The following CXCR4 variants were observed in gnomAD, a reference collection of about 807,000 sequenced individuals.
CXCR4 encodes C-X-C chemokine receptor type 4.
In CXCR4, 6 loss-of-function variants were observed where a neutral mutation model predicts 22.4. The observed-to-expected ratio is 0.27, with a 90% CI of 0.15 to 0.53. The LOEUF (loss-of-function observed/expected upper bound fraction) is 0.53, where lower values mean the gene tolerates loss of function less well. Among genes scored for constraint, CXCR4 ranks in the 20% least tolerant of loss-of-function variants. CXCR4 has a pLI of 0.96. For missense variants in CXCR4, 300 were observed against 430.4 expected (o/e 0.70, Z 2.68); for synonymous variants, 155 against 171.7 (o/e 0.90, Z 0.76).
At position 136,115,829 on chromosome 2, in the gene CXCR4, A is replaced by G. The variant is rs184978014; in HGVS notation, c.99T>C (p.Asn33=). ...GCAGGAAGATTTTATTGAAATTAGC[A>G]TTTTCTTCACGGAAACAGGGTTCCT... ...SMKEPCFREE[N]ANFNKIFLPT... The change falls in exon 2 of 2, where the codon AAT becomes AAC. Residue 33 remains asparagine, a synonymous_variant. Coordinates refer to ENST00000241393, the MANE Select transcript of CXCR4 (RefSeq NM_003467.3). This position sits in a 1 kb window ranked among gnomAD's most constrained non-coding sequence, Gnocchi z 6.4. The G allele has an allele frequency of 6.2e-7, 1 of 1,613,994 alleles. No homozygotes were observed. The highest frequency in any genetic ancestry group is 8.5e-7 in the Non-Finnish European group (1 of 1,180,004).
At chr2:136,117,806 C>G (rs1684957803) in intron 1 of CXCR4, 1 of 521,956 alleles carries the variant, frequency 1.9e-6, no homozygotes, top group Admixed American at 3.6e-5. Flanking sequence ...ACACATGCAG[C>G]CACTGGAACG....
intron 1 of CXCR4, chr2:136,117,707 C>G (rs1257091965): frequency 4.2e-6 from 1 of 239,264 alleles, no homozygotes; most frequent in African/African-American, 2.3e-5. Flanking sequence ...CGAGGCAGCG[C>G]GCACGCCTTC....
At position 136,116,664 on chromosome 2, in the gene CXCR4, G is replaced by A. The variant is rs1032978203; in HGVS notation, c.16-752C>T. Among the ~76,000 whole-genome samples the A allele has an allele frequency of 1.1e-4, 17 of 152,296 alleles. No homozygotes were observed. Among genetic ancestry groups the A allele is most frequent in the Admixed American group, 7.8e-4 (12 of 15,302 alleles). ...TCGTGTTTATCACTTGGCGCGTTTG[G>A]GACGTTAGGGAGCGGGGCATTTTCC... On this transcript the variant is annotated intron_variant, in intron 1 of 1. Transcript: ENST00000241393.
chr2:136,116,069 G>A (rs1684881372), intron 1 of CXCR4, 157 bp from the exon 2 acceptor site: 1 of 1,537,546 alleles, frequency 6.5e-7, no homozygotes, highest in Non-Finnish European at 8.8e-7. Context: ...AATTAATGTA[G>A]AATCCTACAA....
rs371317659 is a variant in CXCR4 at position 136,115,422 on chromosome 2, A to G, written c.506T>C (p.Ile169Thr). Reference sequence around the variant, plus strand: ...GACGTTGGCAAAGATGAAGTCGGGAATAGTCAGCAGGAGGGCAGGGATCCA... The same window carrying G: ...GACGTTGGCAAAGATGAAGTCGGGAGTAGTCAGCAGGAGGGCAGGGATCCA... ...GVWIPALLLT[I>T]PDFIFANVSE... Residue 169 changes from isoleucine to threonine, a missense_variant, in exon 2 of 2, where the codon ATT (isoleucine) becomes ACT (threonine). Physicochemically the swap from Ile to Thr is moderately conservative, Grantham distance 89 (BLOSUM62 -1). Coordinates refer to ENST00000241393, the MANE Select transcript of CXCR4 (RefSeq NM_003467.3). The surrounding 1 kb of genome is among the most constrained non-coding windows in gnomAD (Gnocchi z 6.4). 57 of 1,614,080 alleles carry G rather than the reference A, an allele frequency of 3.5e-5. No homozygotes were observed. Among genetic ancestry groups the G allele is most frequent in the Non-Finnish European group, 4.6e-5 (54 of 1,180,032 alleles).
At chr2:136,116,201 T>C in intron 1 of CXCR4, 1 of 1,332,228 alleles carries the variant, frequency 7.5e-7, no homozygotes, top group Non-Finnish European at 9.7e-7. Context: ...AGTCACATCT[T>C]GGCTAACTCC....
At chr2:136,116,061 T>C in intron 1 of CXCR4, 149 bp from the exon 2 acceptor site, 1 of 1,545,876 alleles carries the variant, frequency 6.5e-7, no homozygotes, top group Non-Finnish European at 8.7e-7. Flanking sequence ...CACAAGAGAA[T>C]TAATGTAGAA....
At chr2:136,116,270 C>G in intron 1 of CXCR4, 1 of 1,171,830 alleles carries the variant, frequency 8.5e-7, no homozygotes, top group Non-Finnish European at 1.1e-6. Context: ...AAAAAAAATA[C>G]ACACAAAGAG....
At chr2:136,117,869 T>TCCACCC in intron 1 of CXCR4, 177 bp downstream of exon 1, 3 of 170,812 alleles carry the variant, frequency 1.8e-5, no homozygotes, top group South Asian at 1.4e-4. Context: ...CCAATCCTGC[T>TCCACCC]CCCCCCCCAC....
chr2:136,117,774 C>G (rs1419050052), intron 1 of CXCR4: 2 of 461,614 alleles, frequency 4.3e-6, no homozygotes, highest in South Asian at 2.9e-5. Context: ...AGCCGCCGCG[C>G]GCGGCGGGAC....
intron 1 of CXCR4, 93 bp downstream of exon 1, chr2:136,117,953 T>C (rs1420564690): frequency 1.3e-5 from 15 of 1,115,754 alleles, no homozygotes; most frequent in Admixed American, 2.2e-5. Context: ...GTACCTCCAA[T>C]GTCCTGGCCG....
At chr2:136,117,743 T>C (rs1184026217) in intron 1 of CXCR4, 3 of 390,930 alleles carry the variant, frequency 7.7e-6, no homozygotes, top group South Asian at 3.0e-5. Flanking sequence ...AGAATGTTCT[T>C]ACGTTTGCAA....
Position 136,115,338 on chromosome 2 carries a change from A to G in CXCR4, c.590T>C (p.Val197Ala), listed in dbSNP as rs1293027504. ...DRFYPNDLWV[V>A]VFQFQHIMVG... ...CATGATGTGCTGAAACTGGAACACA[A>G]CCACCCACAAGTCATTGGGGTAGAA... The change falls in exon 2 of 2, where the codon GTT (valine) becomes GCT (alanine). Residue 197 changes from valine to alanine, a missense_variant. Around this residue, in one of 3 missense-constraint regions of CXCR4, gnomAD observed 137 missense variants for 153.2 expected, o/e 0.89. Transcript: ENST00000241393. This position sits in a 1 kb window ranked among gnomAD's most constrained non-coding sequence, Gnocchi z 6.4. 1 of 1,614,188 alleles carries G rather than the reference A, an allele frequency of 6.2e-7. No individual in the cohort carries two copies. The highest frequency in any genetic ancestry group is 1.3e-5 in the African/African-American group (1 of 75,044).
chr2:136,116,247 T>C, intron 1 of CXCR4: 1 of 1,194,884 alleles, frequency 8.4e-7, no homozygotes, highest in Non-Finnish European at 1.1e-6. Flanking sequence ...AAAAAAACCT[T>C]CCTTAGGAGG....
At chr2:136,117,894 T>C in intron 1 of CXCR4, among the ~76,000 whole-genome samples, 152 bp downstream of exon 1, 1 of 107,274 alleles carries the variant, frequency 9.3e-6, no homozygotes, top group Admixed American at 1.4e-4. Flanking sequence ...CCGCACTATA[T>C]AGGCATGGTC....
intron 1 of CXCR4, chr2:136,116,144 A>G: frequency 7.0e-7 from 1 of 1,435,748 alleles, no homozygotes. Context: ...CCAATTACAA[A>G]ATTCTTTGTT....
At chr2:136,117,418 T>A (rs1573616518) in intron 1 of CXCR4, 1 of 151,798 alleles carries the variant, frequency 6.6e-6, no homozygotes, top group Admixed American at 6.6e-5. Flanking sequence ...CACCACTCGA[T>A]CCCCTCAGAG....
chr2:136,116,241 A>G, intron 1 of CXCR4: 2 of 1,229,786 alleles, frequency 1.6e-6, no homozygotes, highest in Non-Finnish European at 2.1e-6. Context: ...GGAAGAAAAA[A>G]AACCTTCCTT....
chr2:136,116,706 C>T (rs1684904708), intron 1 of CXCR4, among the ~76,000 whole-genome samples: 1 of 152,188 alleles, frequency 6.6e-6, no homozygotes, highest in Non-Finnish European at 1.5e-5. Context: ...GAGAAGGTAA[C>T]GGGGTCTGCA....
Sources: gnomAD v4.1 joint callset for allele counts (sites outside exome capture counted in the v4.1 genomes callset) on GRCh38, gnomAD v4.1.1 for gene constraint, gnomAD v4.1.1 regional missense constraint, Gnocchi (gnomAD v3.1) non-coding constraint, MANE v1.5 for transcripts, NCBI Gene and HGNC (gene_info 2026-07-23, HGNC 2026-07-21) for gene names.